Variants in MAP2K5 observed in about 807,000 individuals in gnomAD.
MAP2K5 encodes mitogen-activated protein kinase kinase 5, also known as dual specificity mitogen-activated protein kinase kinase 5.
Under a neutral mutation model 83.1 loss-of-function variants are expected in MAP2K5, and 49 were observed. The observed-to-expected ratio is 0.59, with a 90% confidence interval of 0.47 to 0.75. The LOEUF is 0.75. Among genes scored for constraint, MAP2K5 ranks in the 30% least tolerant of loss-of-function variants. MAP2K5 has a pLI of 0.00. For synonymous variants in MAP2K5, 202 were observed against 191.8 expected (o/e 1.05, Z -0.44); for missense variants, 457 against 557.5 (o/e 0.82, Z 1.82).
At chr15:67,646,183 C>G in intron 9 of MAP2K5, 48 bp from the exon 10 acceptor site, 1 of 767,504 alleles carries the variant, frequency 1.3e-6, no homozygotes, top group South Asian at 1.9e-5. Context: ...GTGATTATAA[C>G]TAATATAATT....
chr15:67,721,287 A>G (rs2088954697), intron 16 of MAP2K5, among the ~76,000 whole-genome samples: 2 of 152,054 alleles, frequency 1.3e-5, no homozygotes, highest in Non-Finnish European at 2.9e-5. Flanking sequence ...TGCTTGATTT[A>G]TTTATTTGTG....
rs1432556502 is a variant in MAP2K5 at position 67,797,778 on chromosome 15, G to A, written c.1243-8868G>A. Among the ~76,000 whole-genome samples the A allele has an allele frequency of 2.6e-5, 4 of 152,108 alleles. No individual in the cohort carries two copies. The East Asian group carries it at 7.7e-4, about 29-fold the overall frequency. ...GCTCACTGCAACCTCTGCCTCCTGGGTTCAAGCAGTTCTCCAGCCTCAGCC... is the reference window on the plus strand; with the variant it reads ...GCTCACTGCAACCTCTGCCTCCTGGATTCAAGCAGTTCTCCAGCCTCAGCC... On this transcript the variant is annotated intron_variant, in intron 21 of 21. Transcript: ENST00000178640.
At chr15:67,739,355 A>T (rs2089417371) in intron 17 of MAP2K5, among the ~76,000 whole-genome samples, 1 of 145,232 alleles carries the variant, frequency 6.9e-6, no homozygotes, top group African/African-American at 2.5e-5. Context: ...TTTTGTTTAA[A>T]TCTATTTTGA....
chr15:67,618,047 G>A (rs527773647), intron 8 of MAP2K5, among the ~76,000 whole-genome samples: 5 of 152,250 alleles, frequency 3.3e-5, no homozygotes, highest in South Asian at 2.1e-4. Flanking sequence ...TCTTTGTAAT[G>A]ATGTATCTTT....
chr15:67,551,552 T>G (rs919992194), intron 2 of MAP2K5, among the ~76,000 whole-genome samples: 13 of 152,110 alleles, frequency 8.5e-5, no homozygotes, highest in Admixed American at 7.2e-4. Context: ...AGGCTAGTCT[T>G]GAACTCCTTG....
At chr15:67,670,079 A>G (rs1006606767) in intron 13 of MAP2K5, among the ~76,000 whole-genome samples, 1 of 152,176 alleles carries the variant, frequency 6.6e-6, no homozygotes, top group Non-Finnish European at 1.5e-5. Flanking sequence ...AACAGACTGT[A>G]ATACATCCAC....
chr15:67,651,986 G>GT (rs1426351534), intron 11 of MAP2K5, among the ~76,000 whole-genome samples: 2 of 152,142 alleles, frequency 1.3e-5, no homozygotes, highest in Non-Finnish European at 2.9e-5. Flanking sequence ...CATCAATAGT[G>GT]TATGAAGGTT....
intron 11 of MAP2K5, among the ~76,000 whole-genome samples, chr15:67,656,898 A>G (rs1296636238): frequency 2.6e-5 from 4 of 152,206 alleles, no homozygotes. Flanking sequence ...TTTTAACCTG[A>G]TAAGAATTAC....
At position 67,779,323 on chromosome 15, in the gene MAP2K5, C is replaced by T. The variant is rs537529052; in HGVS notation, c.1242+6571C>T. ...GCTTTTTAATTGCATATAATTACAT[C>T]GGCAGAATCACTGTCTGGATACTTG... On this transcript the variant is annotated intron_variant, in intron 21 of 21. Coordinates refer to ENST00000178640, the MANE Select transcript of MAP2K5 (RefSeq NM_145160.3). The surrounding 1 kb of genome is among the most constrained non-coding windows in gnomAD (Gnocchi z 4.6). Among the ~76,000 whole-genome samples the T allele has an allele frequency of 2.0e-5, 3 of 152,288 alleles. No homozygotes were observed. Among genetic ancestry groups the T allele is most frequent in the African/African-American group, 4.8e-5 (2 of 41,552 alleles).
Position 67,757,036 on chromosome 15 carries a change from T to G in MAP2K5, c.1134+8435T>G, listed in dbSNP as rs1260348567. Among the ~76,000 whole-genome samples the G allele has an allele frequency of 6.6e-6, 1 of 152,186 alleles. No homozygotes were observed. Among genetic ancestry groups the G allele is most frequent in the African/African-American group, 2.4e-5 (1 of 41,444 alleles). On this transcript the variant is annotated intron_variant, in intron 19 of 21. Coordinates refer to ENST00000178640, the MANE Select transcript of MAP2K5 (RefSeq NM_145160.3). The surrounding 1 kb of genome is among the most constrained non-coding windows in gnomAD (Gnocchi z 4.9). ...GCAGATATCTCTTCAGGATAGTGATTTATTTCCTTTAGATATACACCGAGA... is the reference window on the plus strand; with the variant it reads ...GCAGATATCTCTTCAGGATAGTGATGTATTTCCTTTAGATATACACCGAGA...
In MAP2K5 at chr15:67,577,307, T is replaced by C. The variant is rs2459919; in HGVS notation, c.253-3447T>C. Among the ~76,000 whole-genome samples the C allele has an allele frequency of 0.017, 2,588 of 152,300 alleles. 80 individuals carry two copies. The highest frequency in any genetic ancestry group is 0.058 in the African/African-American group (2,393 of 41,544). ...AACTGATGTTTAATAAAGTTAAATG[T>C]CTTCCTGAAGGCTACACAAGTTAAT... On this transcript the variant is annotated intron_variant, in intron 3 of 21. Transcript: ENST00000178640. This position sits in a 1 kb window ranked among gnomAD's most constrained non-coding sequence, Gnocchi z 4.1.
chr15:67,705,532 C>T (rs1047604548), intron 16 of MAP2K5, among the ~76,000 whole-genome samples: 11 of 152,026 alleles, frequency 7.2e-5, no homozygotes, highest in South Asian at 4.2e-4. Context: ...GTCAGGAGTT[C>T]GAGACAAGCC....
Position 67,543,436 on chromosome 15 carries a change from A to T in MAP2K5, c.101A>T (p.His34Leu). The change falls in exon 1 of 22, where the codon CAC (histidine) becomes CTC (leucine). Residue 34 changes from histidine (H) to leucine (L), a missense_variant. Physicochemically the swap from His to Leu is moderately conservative, Grantham distance 99 (BLOSUM62 -3). Coordinates refer to ENST00000178640, the MANE Select transcript of MAP2K5 (RefSeq NM_145160.3). The surrounding 1 kb of genome is among the most constrained non-coding windows in gnomAD (Gnocchi z 4.3). The stretch of plus-strand genomic sequence containing the variant: ...AGTGGCGCGGTGGACTGGACAGTGC[A>T]CTCCGGGCCGCAGTTACTCTTCAGG... The part of the protein sequence containing the change: ...PNSGAVDWTV[H>L]SGPQLLFRDV... 1.2e-6 allele frequency: 2 copies of T among 1,613,568 alleles called. No individual in the cohort carries two copies. The highest frequency in any genetic ancestry group is 1.7e-6 in the Non-Finnish European group (2 of 1,179,914).
At chr15:67,735,027 A>G (rs942080147) in intron 17 of MAP2K5, among the ~76,000 whole-genome samples, 3 of 152,218 alleles carry the variant, frequency 2.0e-5, no homozygotes, top group African/African-American at 7.2e-5. Flanking sequence ...TTCAAGCATA[A>G]AATCAGATTT....
chr15:67,626,994 G>A (rs2086340371), intron 8 of MAP2K5, among the ~76,000 whole-genome samples: 1 of 121,432 alleles, frequency 8.2e-6, no homozygotes. Context: ...GTGGAGTGGT[G>A]AGATCATAGC....
Position 67,543,502 on chromosome 15 carries a change from C to T in MAP2K5, c.135+32C>T, listed in dbSNP as rs1428851631. The T allele has an allele frequency of 6.2e-7, 1 of 1,613,054 alleles. No homozygotes were observed. The highest frequency in any genetic ancestry group is 8.5e-7 in the Non-Finnish European group (1 of 1,179,410). ...GGTAATCTCAGTGTCCGGATGCCAG[C>T]AAGGGGGACTCAGGGACTTGAGTAG... On this transcript the variant is annotated intron_variant, in intron 1 of 21. Transcript: ENST00000178640. The surrounding 1 kb of genome is among the most constrained non-coding windows in gnomAD (Gnocchi z 4.3).
At chr15:67,776,487 G>A (rs1387882163) in intron 21 of MAP2K5, among the ~76,000 whole-genome samples, 3 of 152,118 alleles carry the variant, frequency 2.0e-5, no homozygotes, top group African/African-American at 7.2e-5. Context: ...GAAAGGATTG[G>A]TGGGACTGCA....
rs993488520 is a variant in MAP2K5 at position 67,722,763 on chromosome 15, C to G, written c.1045-5153C>G. ...GTGTTCCAAAGTGGCTGCTGCATTT[C>G]TATAAAATGAAGATTTAACTGCAGC... On this transcript the variant is annotated intron_variant, in intron 16 of 21. Transcript: ENST00000178640. The surrounding 1 kb of genome is among the most constrained non-coding windows in gnomAD (Gnocchi z 4.2). Among the ~76,000 whole-genome samples, 1 of 152,054 alleles carries G rather than the reference C, an allele frequency of 6.6e-6. No homozygotes were observed. Among genetic ancestry groups the G allele is most frequent in the African/African-American group, 2.4e-5 (1 of 41,390 alleles).
chr15:67,635,956 C>T (rs1288680754), intron 9 of MAP2K5, among the ~76,000 whole-genome samples: 1 of 152,098 alleles, frequency 6.6e-6, no homozygotes, highest in Non-Finnish European at 1.5e-5. Flanking sequence ...TTAAAACTTC[C>T]TCTGCTTTCT....
Sources: allele counts gnomAD v4.1 joint callset (sites outside exome capture counted in the v4.1 genomes callset), GRCh38; gene constraint gnomAD v4.1.1; non-coding constraint Gnocchi (gnomAD v3.1); transcripts MANE v1.5; gene names NCBI Gene and HGNC (gene_info 2026-07-23, HGNC 2026-07-21).